The following LRRC7 variants were observed in gnomAD, a reference collection of about 807,000 sequenced individuals.
The protein encoded by LRRC7 is leucine-rich repeat-containing protein 7.
LRRC7 carries 23 observed loss-of-function variants against 175.7 expected under a neutral mutation model. The observed-to-expected ratio is 0.13, with a 90% CI of 0.09 to 0.19. The LOEUF is 0.19. Among genes scored for constraint, LRRC7 ranks in the 10% least tolerant of loss-of-function variants. The probability of loss-of-function intolerance (pLI) is 1.00; values close to 1 mark genes in which losing one functional copy is unlikely to be tolerated. For synonymous variants in LRRC7, 685 were observed against 680.9 expected (o/e 1.01, Z -0.09); for missense variants, 1,354 against 1,904.7 (o/e 0.71, Z 5.38).
chr1:69,846,197 CAT>C (rs1054938363), intron 7 of LRRC7, among the ~76,000 whole-genome samples: 2 of 152,044 alleles, frequency 1.3e-5, no homozygotes, highest in Non-Finnish European at 2.9e-5. Context: ...AAATATCAAA[CAT>C]ATGCTTTCCA....
chr1:69,969,637 C>T (rs1375804858), intron 8 of LRRC7, among the ~76,000 whole-genome samples: 3 of 152,100 alleles, frequency 2.0e-5, no homozygotes, highest in African/African-American at 7.2e-5. Context: ...AAAACAACTA[C>T]TACTAGACCT....
intron 8 of LRRC7, among the ~76,000 whole-genome samples, chr1:69,960,626 A>G (rs1650969556): frequency 1.3e-5 from 2 of 151,872 alleles, no homozygotes; most frequent in Non-Finnish European, 2.9e-5. Flanking sequence ...ATTCAGTGCT[A>G]TAAATTACCC....
At chr1:69,637,648 T>C (rs1340764) in intron 1 of LRRC7, among the ~76,000 whole-genome samples, 110,780 of 151,278 alleles carry the variant, frequency 0.73, 40,895 homozygotes, top group African/African-American at 0.81. Flanking sequence ...CACGTTAATC[T>C]TCTTTTCCTT....
chr1:70,102,020 A>G (rs1285149631), intron 25 of LRRC7, among the ~76,000 whole-genome samples: 7 of 152,192 alleles, frequency 4.6e-5, no homozygotes, highest in Admixed American at 2.6e-4. Flanking sequence ...AGGGAAAGCC[A>G]TTGTGCTTTC....
At chr1:69,751,491 C>A (rs1260774103) in intron 2 of LRRC7, among the ~76,000 whole-genome samples, 1 of 151,950 alleles carries the variant, frequency 6.6e-6, no homozygotes, top group Non-Finnish European at 1.5e-5. Context: ...GAAGGAAAAG[C>A]AAAAGAGGAC....
chr1:69,754,783 T>C (rs2100912166), intron 2 of LRRC7, among the ~76,000 whole-genome samples: 1 of 152,112 alleles, frequency 6.6e-6, no homozygotes, highest in Admixed American at 6.6e-5. Flanking sequence ...TCTTTGTAAG[T>C]TGTGAGATGC....
chr1:70,093,611 A>C (rs1279242116), intron 25 of LRRC7, among the ~76,000 whole-genome samples: 1 of 152,174 alleles, frequency 6.6e-6, no homozygotes, highest in African/African-American at 2.4e-5. Context: ...AGTATTACAG[A>C]GCCCTCTAAT....
intron 22 of LRRC7, 125 bp downstream of exon 22, chr1:70,044,219 C>T: frequency 3.4e-6 from 3 of 883,782 alleles, no homozygotes; most frequent in Non-Finnish European, 3.3e-6. Context: ...CCAAAAAGCA[C>T]AAGGGCAAGT....
At chr1:69,850,467 C>T (rs921160278) in intron 7 of LRRC7, among the ~76,000 whole-genome samples, 1 of 152,178 alleles carries the variant, frequency 6.6e-6, no homozygotes, top group East Asian at 1.9e-4. Context: ...AGTCTGACTT[C>T]TCTAGAGAGA....
At chr1:69,883,714 C>G (rs1686876080) in intron 7 of LRRC7, among the ~76,000 whole-genome samples, 1 of 94,318 alleles carries the variant, frequency 1.1e-5, no homozygotes, top group African/African-American at 4.0e-5. Context: ...AATGGTAATG[C>G]CTAGGTTTTC....
chr1:69,816,938 C>A (rs1056779376), intron 4 of LRRC7, among the ~76,000 whole-genome samples: 1 of 152,056 alleles, frequency 6.6e-6, no homozygotes, highest in Admixed American at 6.6e-5. Flanking sequence ...AGCATGTCTT[C>A]CAGGCCCATC....
In LRRC7 at chr1:70,051,657, CT is replaced by C. The variant is rs994724616; in HGVS notation, c.4111-1359del. 1.8e-3 allele frequency among the ~76,000 whole-genome samples: 269 copies of C among 147,866 alleles called. 2 individuals are homozygous for C. The highest frequency in any genetic ancestry group is 7.5e-3 in the South Asian group (35 of 4,674). ...AGCTTAAATTCAGTACCTTTTTTCT[CT>C]TTTTTTTTTCATACTTTTTGATAGG... On this transcript the variant is annotated intron_variant, in intron 22 of 26. Coordinates refer to ENST00000651989, the MANE Select transcript of LRRC7 (RefSeq NM_001370785.2).
intron 1 of LRRC7, among the ~76,000 whole-genome samples, chr1:69,584,969 A>G (rs1646349895): frequency 6.6e-6 from 1 of 152,234 alleles, no homozygotes; most frequent in East Asian, 1.9e-4. Context: ...ATCACTTCCT[A>G]GAGGAAGCCT....
intron 18 of LRRC7, among the ~76,000 whole-genome samples, chr1:70,032,712 TTC>T (rs1658889486): frequency 6.6e-6 from 1 of 152,168 alleles, no homozygotes. Flanking sequence ...ATTACTTTTA[TTC>T]ATGCTAGGCC....
chr1:69,916,008 C>G (rs1000263519), intron 7 of LRRC7, among the ~76,000 whole-genome samples: 1 of 135,614 alleles, frequency 7.4e-6, no homozygotes, highest in East Asian at 2.1e-4. Flanking sequence ...GTCCAGGGTC[C>G]GTGGTCTTAG....
chr1:69,800,834 A>G (rs1182768953), intron 4 of LRRC7, among the ~76,000 whole-genome samples: 4 of 151,862 alleles, frequency 2.6e-5, no homozygotes, highest in Non-Finnish European at 4.4e-5. Context: ...GATTGCTTTC[A>G]GCTACTCCCA....
rs1176949403 is a variant in LRRC7, at chr1:70,121,802, A to G, written c.4643A>G (p.His1548Arg). Residue 1548 changes from histidine (H) to arginine (R), a missense_variant, in exon 27 of 27, where the codon CAT becomes CGT. Around this residue, in one of 4 missense-constraint regions of LRRC7, gnomAD observed 53 missense variants for 112.6 expected, o/e 0.47. Transcript: ENST00000651989. ...CAGGCAAATGGACACAGTTTTGTAC[A>G]TATGGAACATGAAAAAGCTGTATTA... is the stretch of plus-strand genomic sequence containing the variant. ...ILQANGHSFV[H>R]MEHEKAVLLL... 4.3e-6 allele frequency: 7 copies of G among 1,611,712 alleles called. No homozygotes were observed. The highest frequency in any genetic ancestry group is 5.9e-6 in the Non-Finnish European group (7 of 1,178,024).
intron 3 of LRRC7, among the ~76,000 whole-genome samples, chr1:69,775,964 A>G (rs906712999): frequency 1.3e-5 from 2 of 152,202 alleles, no homozygotes; most frequent in Non-Finnish European, 2.9e-5. Flanking sequence ...CCTAGCCAGC[A>G]TTATTTAATT....
chr1:70,039,344 G>A lies in LRRC7; in HGVS notation c.3520G>A (p.Glu1174Lys). Residue 1174 changes from glutamate to lysine, a missense_variant, in exon 21 of 27, where the codon GAG becomes AAG. Transcript: ENST00000651989. ...AMFRRVNEPH[E>K]LPPTDRYGRP... ...GTTTAGAAGGGTCAATGAGCCTCAT[G>A]AGCTGCCCCCAACTGATAGGTACGG... The A allele has an allele frequency of 6.2e-7, 1 of 1,614,056 alleles. No individual in the cohort carries two copies. The highest frequency in any genetic ancestry group is 8.5e-7 in the Non-Finnish European group (1 of 1,180,012).
Sources: allele counts gnomAD v4.1 joint callset (sites outside exome capture counted in the v4.1 genomes callset), GRCh38; gene constraint gnomAD v4.1.1; regional missense constraint gnomAD v4.1.1; transcripts MANE v1.5; gene names NCBI Gene and HGNC (gene_info 2026-07-23, HGNC 2026-07-21).